Variants in BTG4 observed in about 807,000 individuals in gnomAD.
The protein encoded by BTG4 is protein BTG4.
Under a neutral mutation model 19.3 loss-of-function variants are expected in BTG4, and 10 were observed. The ratio of observed to expected loss-of-function variants is 0.52; its 90% CI spans 0.32 to 0.88. The LOEUF is 0.88. BTG4 is among the 40% of genes least tolerant of loss of function. The pLI, the probability that BTG4 is intolerant of heterozygous loss-of-function variation, is 0.04. For synonymous variants in BTG4, 91 were observed against 95.7 expected (o/e 0.95, Z 0.29); for missense variants, 238 against 281.9 (o/e 0.84, Z 1.11).
downstream of BTG4, among the ~76,000 whole-genome samples, chr11:111,464,946 T>C (rs146689153): frequency 5.0e-3 from 755 of 151,914 alleles, 3 homozygotes; most frequent in African/African-American, 0.017. Flanking sequence ...TGAATCTAAA[T>C]CTTGGGACTT....
At chr11:111,431,587 A>G in the BTG4 span, among the ~76,000 whole-genome samples, 3 of 152,224 alleles carry the variant, frequency 2.0e-5, no homozygotes, top group African/African-American at 7.2e-5. Flanking sequence ...TTCACTGTTT[A>G]ATCAACAGAA....
At chr11:111,489,788 G>GA (rs888783247) in intron 5 of BTG4, among the ~76,000 whole-genome samples, 159 of 147,190 alleles carry the variant, frequency 1.1e-3, no homozygotes, top group African/African-American at 2.9e-3. Context: ...ACTTGGGAGT[G>GA]AAAAAAAAAA....
chr11:111,387,629 A>T, the BTG4 span, among the ~76,000 whole-genome samples: 6 of 152,216 alleles, frequency 3.9e-5, no homozygotes, highest in Admixed American at 3.9e-4. Context: ...ACAAACTTGC[A>T]TTAATACAGG....
chr11:111,390,828 G>A, the BTG4 span, among the ~76,000 whole-genome samples: 2 of 152,122 alleles, frequency 1.3e-5, no homozygotes, highest in Admixed American at 6.5e-5. Flanking sequence ...CCAAAACAAG[G>A]CAACCATTTT....
intron 5 of BTG4, among the ~76,000 whole-genome samples, chr11:111,467,972 A>C (rs1425134058): frequency 6.6e-6 from 1 of 152,236 alleles, no homozygotes; most frequent in Non-Finnish European, 1.5e-5. Flanking sequence ...AATCCTGGAC[A>C]ATCAGCATCT....
chr11:111,405,335 C>T, the BTG4 span, among the ~76,000 whole-genome samples: 1 of 130,650 alleles, frequency 7.7e-6, no homozygotes, highest in Non-Finnish European at 1.6e-5. Flanking sequence ...ACCTGGGAGG[C>T]GGAGGGTGTG....
At chr11:111,512,616 G>C (rs1008515697), upstream of BTG4, among the ~76,000 whole-genome samples, 2 of 152,188 alleles carry the variant, frequency 1.3e-5, no homozygotes, top group Non-Finnish European at 2.9e-5. Flanking sequence ...GGAAAAGCGA[G>C]GGGAACCTGA....
At chr11:111,393,367 C>A in the BTG4 span, among the ~76,000 whole-genome samples, 2,661 of 152,308 alleles carry the variant, frequency 0.017, 72 homozygotes, top group African/African-American at 0.06. Flanking sequence ...CTGTTCCTTG[C>A]AGCCCTCCAC....
the BTG4 span, chr11:111,414,577 C>T: frequency 6.6e-6 from 1 of 152,246 alleles, no homozygotes; most frequent in Non-Finnish European, 1.5e-5. Context: ...CTGCCCCTTC[C>T]TGAGAAGATA....
chr11:111,436,190 C>G, the BTG4 span, among the ~76,000 whole-genome samples: 1 of 152,176 alleles, frequency 6.6e-6, no homozygotes, highest in African/African-American at 2.4e-5. Flanking sequence ...ATCCGTCTTA[C>G]TCTTCATTTC....
the BTG4 span, among the ~76,000 whole-genome samples, chr11:111,442,860 A>C: frequency 1.3e-5 from 2 of 152,270 alleles, no homozygotes; most frequent in African/African-American, 4.8e-5. Context: ...CATTCGATTA[A>C]CTTACGTTAA....
the BTG4 span, among the ~76,000 whole-genome samples, chr11:111,445,389 G>C: frequency 6.6e-6 from 1 of 152,142 alleles, no homozygotes; most frequent in Non-Finnish European, 1.5e-5. Flanking sequence ...ATTGTGTATC[G>C]TGCCAACAGG....
chr11:111,420,061 C>A, the BTG4 span, among the ~76,000 whole-genome samples: 3 of 152,130 alleles, frequency 2.0e-5, no homozygotes, highest in African/African-American at 4.8e-5. Flanking sequence ...CTACAATGGA[C>A]AACTGTAGTG....
chr11:111,447,109 C>T, the BTG4 span, among the ~76,000 whole-genome samples: 2,088 of 152,290 alleles, frequency 0.014, 53 homozygotes, highest in African/African-American at 0.047. Flanking sequence ...GACCCTACAA[C>T]GCCTCCTTCT....
chr11:111,385,557 T>C, the BTG4 span: 4 of 152,000 alleles, frequency 2.6e-5, no homozygotes, highest in South Asian at 2.1e-4. Context: ...TATTAAGGAC[T>C]AATACATCAT....
At chr11:111,499,396 T>C (rs539925668) in intron 1 of BTG4, among the ~76,000 whole-genome samples, 6 of 152,344 alleles carry the variant, frequency 3.9e-5, no homozygotes, top group Admixed American at 3.3e-4. Flanking sequence ...TGTTTCACCT[T>C]ACACAGGTGC....
At chr11:111,396,596 T>C in the BTG4 span, among the ~76,000 whole-genome samples, 1 of 152,256 alleles carries the variant, frequency 6.6e-6, no homozygotes, top group Non-Finnish European at 1.5e-5. Flanking sequence ...TGGATGCAAC[T>C]ACAAGGCCTA....
At chr11:111,493,709 G>A (rs555573187), downstream of BTG4, among the ~76,000 whole-genome samples, 2 of 152,158 alleles carry the variant, frequency 1.3e-5, no homozygotes, top group Non-Finnish European at 2.9e-5. Context: ...CTTCAAGAGA[G>A]GACAAACTCA....
At chr11:111,445,763 C>G in the BTG4 span, among the ~76,000 whole-genome samples, 2 of 152,204 alleles carry the variant, frequency 1.3e-5, no homozygotes, top group Non-Finnish European at 2.9e-5. Context: ...TGGGAATTTT[C>G]CATCTTGTCT....
Sources: allele counts gnomAD v4.1 joint callset (sites outside exome capture counted in the v4.1 genomes callset), GRCh38; gene constraint gnomAD v4.1.1; transcripts MANE v1.5; gene names NCBI Gene and HGNC (gene_info 2026-07-23, HGNC 2026-07-21).